Variants in TRIM44 observed in about 807,000 individuals in gnomAD.
TRIM44 encodes tripartite motif-containing protein 44.
In TRIM44, 13 loss-of-function variants were observed where a neutral mutation model predicts 37.4. The observed-to-expected ratio is 0.35, with a 90% confidence interval of 0.23 to 0.55. The LOEUF is 0.55. TRIM44 is among the 20% of genes least tolerant of loss of function. TRIM44 has a pLI of 0.89. For synonymous variants in TRIM44, 175 were observed against 157.2 expected, an observed-to-expected ratio of 1.11 and a Z score of -0.85; for missense variants, 426 against 437.2, an observed-to-expected ratio of 0.97 and a Z score of 0.23.
At chr11:35,768,498 T>G (rs1407208086) in intron 4 of TRIM44, among the ~76,000 whole-genome samples, 1 of 152,202 alleles carries the variant, frequency 6.6e-6, no homozygotes, top group Non-Finnish European at 1.5e-5. Context: ...GCCCACTTGC[T>G]TAGTGCAGTA....
intron 2 of TRIM44, among the ~76,000 whole-genome samples, chr11:35,702,619 G>A (rs1009065841): frequency 1.3e-5 from 2 of 152,192 alleles, no homozygotes; most frequent in African/African-American, 4.8e-5. Context: ...TTCTGGTGTT[G>A]CCATGCATAT....
chr11:35,729,375 C>T lies in TRIM44; in HGVS notation c.987+3212C>T, dbSNP rs12226318. On this transcript the variant is annotated intron_variant, in intron 3 of 4. Coordinates refer to ENST00000299413, the MANE Select transcript of TRIM44 (RefSeq NM_017583.6). ...TACTTCTACCTTTGGCCCTGCTCCT[C>T]CCAGTAATGAGTGGAACCCATCTCC... 0.014 allele frequency among the ~76,000 whole-genome samples: 2,106 copies of T among 152,218 alleles called. 117 individuals are homozygous for T. In the East Asian group the frequency reaches 0.14, roughly 10 times the overall value.
chr11:35,790,314 C>G (rs1853190480), intron 4 of TRIM44, among the ~76,000 whole-genome samples: 1 of 152,176 alleles, frequency 6.6e-6, no homozygotes, highest in Non-Finnish European at 1.5e-5. Context: ...ACTACAGGAA[C>G]AATTTTAATA....
At chr11:35,774,096 A>G (rs1425168413) in intron 4 of TRIM44, among the ~76,000 whole-genome samples, 4 of 152,200 alleles carry the variant, frequency 2.6e-5, no homozygotes, top group Non-Finnish European at 4.4e-5. Flanking sequence ...CAACAGTGTA[A>G]AAGTGTTCCT....
At chr11:35,798,180 G>A (rs1180546672) in intron 4 of TRIM44, among the ~76,000 whole-genome samples, 2 of 152,322 alleles carry the variant, frequency 1.3e-5, no homozygotes, top group East Asian at 1.9e-4. Context: ...ATTCTTTTGA[G>A]TTTCTGATTA....
intron 4 of TRIM44, among the ~76,000 whole-genome samples, chr11:35,782,053 A>G (rs1166954702): frequency 2.0e-5 from 3 of 152,214 alleles, no homozygotes; most frequent in African/African-American, 7.2e-5. Context: ...AATTGTATAA[A>G]TGGCTCAAGT....
chr11:35,787,989 CTATGGCAGTT>C, intron 4 of TRIM44, among the ~76,000 whole-genome samples: 1 of 152,348 alleles, frequency 6.6e-6, no homozygotes, highest in East Asian at 1.9e-4. Context: ...TGATGCCAGC[CTATGGCAGTT>C]GTTCATGCTT....
intron 1 of TRIM44, among the ~76,000 whole-genome samples, chr11:35,670,855 A>G (rs1444368208): frequency 6.6e-6 from 1 of 152,266 alleles, no homozygotes; most frequent in Non-Finnish European, 1.5e-5. Context: ...CAGAAAGAGC[A>G]TGACATTTGC....
chr11:35,777,395 T>G (rs907909056), intron 4 of TRIM44, among the ~76,000 whole-genome samples: 1 of 152,224 alleles, frequency 6.6e-6, no homozygotes, highest in Non-Finnish European at 1.5e-5. Context: ...CTGATGGGTC[T>G]TGACTCTATC....
At chr11:35,763,879 G>C (rs912071883) in intron 4 of TRIM44, among the ~76,000 whole-genome samples, 53 of 152,148 alleles carry the variant, frequency 3.5e-4, no homozygotes, top group Admixed American at 2.2e-3. Context: ...GGAGGTCGTG[G>C]AACTAATGCA....
At position 35,811,634 on chromosome 11, in the gene TRIM44, T is replaced by C. The variant is rs1156409062; in HGVS notation, c.*5249T>C. 1 of 152,168 alleles carries C rather than the reference T, an allele frequency of 6.6e-6. No individual in the cohort carries two copies. Among genetic ancestry groups the C allele is most frequent in the Non-Finnish European group, 1.5e-5 (1 of 68,032 alleles). 9.4% of individuals were successfully genotyped at this position (152,168 alleles called of 1,614,324 possible). A position where few individuals can be genotyped will look rare whatever the true frequency, so the allele number is the denominator to read the frequency against. On this transcript the variant is annotated 3_prime_UTR_variant, in exon 5 of 5. Transcript: ENST00000299413. ...TACTCAGAGGCCTTCAGGAGCCAAA[T>C]GTGAAGACTCAAGATGGTAGATACT...
At chr11:35,669,794 T>G (rs1851372695) in intron 1 of TRIM44, among the ~76,000 whole-genome samples, 1 of 151,950 alleles carries the variant, frequency 6.6e-6, no homozygotes, top group Non-Finnish European at 1.5e-5. Flanking sequence ...GGATCTGCTT[T>G]AAATGGTTTT....
At chr11:35,692,274 C>T (rs971011402) in intron 2 of TRIM44, among the ~76,000 whole-genome samples, 1 of 151,994 alleles carries the variant, frequency 6.6e-6, no homozygotes, top group Non-Finnish European at 1.5e-5. Context: ...AAATATGCAA[C>T]CTGGATGATT....
chr11:35,719,961 GA>G (rs1852081561), intron 2 of TRIM44, among the ~76,000 whole-genome samples: 1 of 152,158 alleles, frequency 6.6e-6, no homozygotes. Flanking sequence ...AGTAAGACTT[GA>G]ATTGAGTAGT....
chr11:35,811,727 C>T lies in TRIM44; in HGVS notation c.*5342C>T, dbSNP rs540676528. ...ATTTAATGTTTAAAAATCCTAAAACCCACCAGCAGGTGTATCTGGAGGGAC... is the reference window on the plus strand; with the variant it reads ...ATTTAATGTTTAAAAATCCTAAAACTCACCAGCAGGTGTATCTGGAGGGAC... On this transcript the variant is annotated 3_prime_UTR_variant, in exon 5 of 5. Transcript: ENST00000299413. 100 of 152,272 alleles carry T rather than the reference C, an allele frequency of 6.6e-4. 1 individual carries two copies. Among genetic ancestry groups the T allele is most frequent in the African/African-American group, 2.3e-3 (95 of 41,560 alleles). The allele number at this position is 152,272 out of a possible 1,614,324, so 9.4% of individuals were successfully genotyped here.
intron 4 of TRIM44, among the ~76,000 whole-genome samples, chr11:35,792,072 T>TACACACACACACAC (rs57127722): frequency 9.4e-4 from 129 of 136,796 alleles, no homozygotes; most frequent in Middle Eastern, 3.6e-3. Flanking sequence ...GAGTTGCCCC[T>TACACACACACACAC]ACACACACAC....
chr11:35,717,863 A>G (rs1409562979), intron 2 of TRIM44, among the ~76,000 whole-genome samples: 1 of 152,094 alleles, frequency 6.6e-6, no homozygotes, highest in Non-Finnish European at 1.5e-5. Flanking sequence ...TGAAAAGCCA[A>G]ACTCAGTTTC....
At chr11:35,713,801 G>T (rs1852007356) in intron 2 of TRIM44, among the ~76,000 whole-genome samples, 1 of 152,068 alleles carries the variant, frequency 6.6e-6, no homozygotes. Context: ...ACCATGAGAG[G>T]CAAGTTGTGA....
intron 4 of TRIM44, among the ~76,000 whole-genome samples, chr11:35,763,506 A>G (rs982174657): frequency 6.6e-6 from 1 of 152,034 alleles, no homozygotes; most frequent in South Asian, 2.1e-4. Context: ...AGTTGTGTAA[A>G]CTCAAGTCAT....
Sources: allele counts gnomAD v4.1 joint callset (sites outside exome capture counted in the v4.1 genomes callset), GRCh38; gene constraint gnomAD v4.1.1; transcripts MANE v1.5; gene names NCBI Gene and HGNC (gene_info 2026-07-23, HGNC 2026-07-21).